The following KIAA1217 variants were observed in gnomAD, a reference collection of about 807,000 sequenced individuals.
KIAA1217 encodes the protein KIAA1217, also known as sickle tail protein homolog.
A neutral mutation model predicts 163.9 loss-of-function variants in KIAA1217; 88 were observed. That is an observed-to-expected ratio of 0.54 (90% confidence interval 0.45 to 0.64). The LOEUF (loss-of-function observed/expected upper bound fraction) is 0.64. Ranked by LOEUF, KIAA1217 falls within the 30% of genes least tolerant of loss-of-function variation. KIAA1217 has a pLI of 0.00. For synonymous variants in KIAA1217, 903 were observed against 923.1 expected, an observed-to-expected ratio of 0.98 and a Z score of 0.39; for missense variants, 2,372 against 2,475.0, an observed-to-expected ratio of 0.96 and a Z score of 0.88.
At chr10:23,923,795 G>A (rs927326971) in intron 1 of KIAA1217, among the ~76,000 whole-genome samples, 9 of 151,932 alleles carry the variant, frequency 5.9e-5, no homozygotes, top group South Asian at 2.1e-4. Context: ...AAATCTGAGT[G>A]GTTTTTTGTT....
chr10:24,251,654 C>T (rs1240921963), intron 2 of KIAA1217, among the ~76,000 whole-genome samples: 1 of 152,040 alleles, frequency 6.6e-6, no homozygotes, highest in Non-Finnish European at 1.5e-5. Flanking sequence ...CCACACCTGC[C>T]TCCCTTACAT....
intron 2 of KIAA1217, among the ~76,000 whole-genome samples, chr10:24,303,507 A>G (rs1311456750): frequency 6.6e-6 from 1 of 152,116 alleles, no homozygotes; most frequent in African/African-American, 2.4e-5. Flanking sequence ...GGGATTTACT[A>G]CTGGTCTGAC....
chr10:24,440,887 C>T (rs572264615), intron 5 of KIAA1217, among the ~76,000 whole-genome samples: 3 of 152,342 alleles, frequency 2.0e-5, no homozygotes, highest in South Asian at 2.1e-4. Flanking sequence ...GGTTCCTGTT[C>T]ACAGATTGCA....
At chr10:23,714,203 T>A (rs1837430609) in intron 1 of KIAA1217, among the ~76,000 whole-genome samples, 1 of 151,070 alleles carries the variant, frequency 6.6e-6, no homozygotes, top group South Asian at 2.1e-4. Flanking sequence ...GTTATTATAT[T>A]GCTGAAGCGT....
At chr10:23,855,342 C>T (rs1247868704) in intron 1 of KIAA1217, among the ~76,000 whole-genome samples, 3 of 152,084 alleles carry the variant, frequency 2.0e-5, no homozygotes, top group African/African-American at 4.8e-5. Context: ...GAATATTGGC[C>T]CCTACTCTCT....
At chr10:23,778,187 C>A (rs118085956) in intron 1 of KIAA1217, among the ~76,000 whole-genome samples, 47 of 152,248 alleles carry the variant, frequency 3.1e-4, no homozygotes, top group South Asian at 1.2e-3. Flanking sequence ...GATTCCCCCC[C>A]CTTCGGCCTC....
At chr10:24,284,473 A>G (rs2078325127) in intron 2 of KIAA1217, among the ~76,000 whole-genome samples, 1 of 152,162 alleles carries the variant, frequency 6.6e-6, no homozygotes, top group Non-Finnish European at 1.5e-5. Context: ...GTAAGAACAT[A>G]TGATATCTGA....
chr10:24,199,731 T>G (rs541939282), intron 2 of KIAA1217, among the ~76,000 whole-genome samples: 4 of 152,322 alleles, frequency 2.6e-5, no homozygotes, highest in Non-Finnish European at 5.9e-5. Context: ...ACTGTGTTTA[T>G]TATTTATTTT....
intron 2 of KIAA1217, among the ~76,000 whole-genome samples, chr10:24,071,524 T>G (rs1289309109): frequency 1.3e-5 from 2 of 152,204 alleles, no homozygotes; most frequent in Non-Finnish European, 2.9e-5. Context: ...TCTTTACAAC[T>G]TAATATCTGA....
At chr10:24,270,555 C>G (rs564290832) in intron 2 of KIAA1217, among the ~76,000 whole-genome samples, 1 of 152,176 alleles carries the variant, frequency 6.6e-6, no homozygotes, top group East Asian at 1.9e-4. Context: ...GCTTAGATTT[C>G]TTTCTTTCTT....
At chr10:24,155,193 ACTC>A (rs1257094078) in intron 2 of KIAA1217, among the ~76,000 whole-genome samples, 1 of 151,882 alleles carries the variant, frequency 6.6e-6, no homozygotes, top group Non-Finnish European at 1.5e-5. Context: ...CTCCCAAACA[ACTC>A]CTGTTAACCT....
At chr10:23,996,690 G>C (rs1352433566) in intron 1 of KIAA1217, among the ~76,000 whole-genome samples, 1 of 152,122 alleles carries the variant, frequency 6.6e-6, no homozygotes, top group African/African-American at 2.4e-5. Flanking sequence ...ATCCATTCAT[G>C]TCTAAATTTA....
intron 5 of KIAA1217, among the ~76,000 whole-genome samples, chr10:24,439,443 T>C (rs928184831): frequency 7.2e-5 from 11 of 152,196 alleles, no homozygotes. Flanking sequence ...TGCAGTTTTG[T>C]TCCTGAGCGA....
chr10:23,840,033 TGTGATCC>T (rs1202467096), intron 1 of KIAA1217, among the ~76,000 whole-genome samples: 5 of 152,178 alleles, frequency 3.3e-5, no homozygotes, highest in African/African-American at 1.2e-4. Flanking sequence ...TTAAACTTTC[TGTGATCC>T]CTGGGCAGTG....
intron 2 of KIAA1217, among the ~76,000 whole-genome samples, chr10:24,353,296 T>C (rs532347507): frequency 1.1e-4 from 16 of 152,340 alleles, no homozygotes; most frequent in African/African-American, 3.4e-4. Flanking sequence ...ATTTTGTTTG[T>C]TACAATCTCT....
At chr10:24,343,848 C>G (rs1318441209) in intron 2 of KIAA1217, among the ~76,000 whole-genome samples, 1 of 152,236 alleles carries the variant, frequency 6.6e-6, no homozygotes, top group East Asian at 1.9e-4. Flanking sequence ...AATAATTAAT[C>G]TTTTCCCTTG....
intron 2 of KIAA1217, among the ~76,000 whole-genome samples, chr10:24,145,329 A>T (rs1387474505): frequency 7.2e-5 from 11 of 152,218 alleles, no homozygotes; most frequent in Admixed American, 7.2e-4. Flanking sequence ...CTTTGCTCAC[A>T]AACACATCCA....
intron 2 of KIAA1217, among the ~76,000 whole-genome samples, chr10:24,018,564 T>TA (rs1238384818): frequency 1.5e-5 from 2 of 132,784 alleles, no homozygotes; most frequent in Non-Finnish European, 1.7e-5. Context: ...ATAATAATAA[T>TA]AAAAAATAAT....
intron 1 of KIAA1217, among the ~76,000 whole-genome samples, chr10:23,981,937 A>T (rs1219887954): frequency 6.6e-6 from 1 of 152,018 alleles, no homozygotes; most frequent in African/African-American, 2.4e-5. Context: ...TTTTAATGGG[A>T]CCAAACCAAA....
Sources: gnomAD v4.1 joint callset for allele counts (sites outside exome capture counted in the v4.1 genomes callset) on GRCh38, gnomAD v4.1.1 for gene constraint, MANE v1.5 for transcripts, NCBI Gene and HGNC (gene_info 2026-07-23, HGNC 2026-07-21) for gene names.